EIF4E: variants seen among roughly 807,000 people sequenced by gnomAD.
The protein encoded by EIF4E is eukaryotic translation initiation factor 4E.
For missense variants in EIF4E, 113 were observed against 265.6 expected (o/e 0.43, Z 3.99); for synonymous variants, 71 against 88.5 (o/e 0.80, Z 1.11).
chr4:98,903,360 G>GTTTTTTTTTTTTTTTT, intron 1 of EIF4E: 1 of 384,680 alleles, frequency 2.6e-6, no homozygotes, highest in Non-Finnish European at 5.0e-6. Flanking sequence ...AAGAATATGG[G>GTTTTTTTTTTTTTTTT]TTTTTTTTTT....
At position 98,879,910 on chromosome 4, in the gene EIF4E, AAT is replaced by A. The variant is rs1489085212; in HGVS notation, c.*1116_*1117del. ...ACCTATTCAATTTATTAAAAATTGT[AAT>A]AAACATAATAATCAAACTAGTGCTC... is the stretch of plus-strand genomic sequence containing the variant. On this transcript the variant is annotated 3_prime_UTR_variant, in exon 7 of 7. Transcript: ENST00000450253. 3.9e-5 allele frequency: 6 copies of A among 152,220 alleles called. No homozygotes were observed. Among genetic ancestry groups the A allele is most frequent in the African/African-American group, 1.4e-4 (6 of 41,472 alleles). 9.4% of individuals were successfully genotyped at this position (152,220 alleles called of 1,614,324 possible). A position where few individuals can be genotyped will look rare whatever the true frequency, so the allele number is the denominator to read the frequency against.
intron 1 of EIF4E, among the ~76,000 whole-genome samples, chr4:98,925,025 T>C (rs1234483722): frequency 6.6e-6 from 1 of 152,246 alleles, no homozygotes; most frequent in East Asian, 1.9e-4. Flanking sequence ...TTGCATAGTC[T>C]GGTTGGCATT....
At chr4:98,881,244 C>T (rs11729285) in intron 6 of EIF4E, 102 bp from the exon 7 acceptor site, 677,559 of 1,489,002 alleles carry the variant, frequency 0.46, 162,091 homozygotes, top group African/African-American at 0.84. Context: ...TATTAAAAAA[C>T]ATAGACTTGA....
intron 6 of EIF4E, among the ~76,000 whole-genome samples, chr4:98,881,377 A>C (rs1013823891): frequency 5.9e-5 from 9 of 152,122 alleles, no homozygotes; most frequent in African/African-American, 2.2e-4. Context: ...TGTTATTACT[A>C]AATTACAGGA....
intron 1 of EIF4E, among the ~76,000 whole-genome samples, chr4:98,917,242 T>G (rs1002024099): frequency 6.6e-6 from 1 of 151,842 alleles, no homozygotes; most frequent in African/African-American, 2.4e-5. Flanking sequence ...CCCTGCTAAC[T>G]GTATTAGGTA....
At chr4:98,902,128 GT>G (rs1724680404) in intron 1 of EIF4E, 146 bp from the exon 2 acceptor site, 2 of 658,344 alleles carry the variant, frequency 3.0e-6, no homozygotes, top group Non-Finnish European at 5.1e-6. Flanking sequence ...GAGTGCAGTC[GT>G]GCGATCTTGG....
chr4:98,882,734 CG>C (rs1560632097), intron 6 of EIF4E, among the ~76,000 whole-genome samples: 1 of 150,976 alleles, frequency 6.6e-6, no homozygotes, highest in African/African-American at 2.4e-5. Flanking sequence ...AGAAAATCTT[CG>C]TTTGAAAATC....
chr4:98,893,166 C>T (rs1455033263), intron 2 of EIF4E, among the ~76,000 whole-genome samples: 1 of 152,068 alleles, frequency 6.6e-6, no homozygotes, highest in East Asian at 1.9e-4. Flanking sequence ...ATGTACATAC[C>T]TTAATTAAAA....
chr4:98,925,611 C>T (rs1725834101), intron 1 of EIF4E, among the ~76,000 whole-genome samples: 1 of 152,148 alleles, frequency 6.6e-6, no homozygotes, highest in Non-Finnish European at 1.5e-5. Flanking sequence ...TGTAACTCAA[C>T]TCATACAAAG....
At chr4:98,889,858 G>A (rs1442904001) in intron 3 of EIF4E, among the ~76,000 whole-genome samples, 1 of 152,070 alleles carries the variant, frequency 6.6e-6, no homozygotes, top group Non-Finnish European at 1.5e-5. Context: ...CAGAAGACTG[G>A]AGTTATTTAA....
intron 1 of EIF4E, among the ~76,000 whole-genome samples, chr4:98,914,804 T>C (rs953638662): frequency 2.6e-5 from 4 of 152,180 alleles, no homozygotes. Flanking sequence ...CAATTTAGGT[T>C]CATCAATTCT....
At chr4:98,918,180 T>A (rs1224308886) in intron 1 of EIF4E, among the ~76,000 whole-genome samples, 1 of 151,762 alleles carries the variant, frequency 6.6e-6, no homozygotes, top group Non-Finnish European at 1.5e-5. Flanking sequence ...CTGGCCAACA[T>A]GATGAAACCC....
intron 1 of EIF4E, among the ~76,000 whole-genome samples, chr4:98,922,033 G>A (rs990004556): frequency 1.3e-5 from 2 of 152,106 alleles, no homozygotes; most frequent in Non-Finnish European, 1.5e-5. Flanking sequence ...ATGCCCACAC[G>A]TTTTATTTTA....
At chr4:98,903,253 A>G (rs1724724480) in intron 1 of EIF4E, among the ~76,000 whole-genome samples, 1 of 152,228 alleles carries the variant, frequency 6.6e-6, no homozygotes, top group African/African-American at 2.4e-5. Flanking sequence ...CTGAAGCAGC[A>G]AACAACAGAG....
chr4:98,884,406 A>G (rs1167268913), intron 6 of EIF4E, among the ~76,000 whole-genome samples: 1 of 152,172 alleles, frequency 6.6e-6, no homozygotes, highest in African/African-American at 2.4e-5. Flanking sequence ...ACAGAAATAA[A>G]AAACATATGA....
intron 1 of EIF4E, among the ~76,000 whole-genome samples, chr4:98,927,851 T>TA (rs1721259680): frequency 6.6e-6 from 1 of 152,040 alleles, no homozygotes; most frequent in Admixed American, 6.6e-5. Flanking sequence ...TATCTTCACT[T>TA]AGCTGTGTCG....
chr4:98,891,399 C>G, intron 2 of EIF4E, 67 bp from the exon 3 acceptor site: 1 of 1,430,140 alleles, frequency 7.0e-7, no homozygotes, highest in Non-Finnish European at 9.7e-7. Context: ...ACATTATTCA[C>G]AAAAGTCAAA....
At chr4:98,906,382 T>C (rs955764994) in intron 1 of EIF4E, among the ~76,000 whole-genome samples, 5 of 152,364 alleles carry the variant, frequency 3.3e-5, no homozygotes, top group African/African-American at 1.2e-4. Context: ...AGGTTAAGTA[T>C]AGAAATGCAA....
chr4:98,912,586 CAAAGA>C (rs142757190), intron 1 of EIF4E, among the ~76,000 whole-genome samples: 9,109 of 151,196 alleles, frequency 0.06, 394 homozygotes, highest in East Asian at 0.19. Context: ...AAAAAAACCA[CAAAGA>C]AAAGAAAAAT....
Sources: gnomAD v4.1 joint callset for allele counts (sites outside exome capture counted in the v4.1 genomes callset) on GRCh38, gnomAD v4.1.1 for gene constraint, MANE v1.5 for transcripts, NCBI Gene and HGNC (gene_info 2026-07-23, HGNC 2026-07-21) for gene names.